The following REPS2 variants were observed in gnomAD, a reference collection of about 807,000 sequenced individuals.
REPS2 encodes RALBP1 associated Eps domain containing 2.
Under a neutral mutation model 53.6 loss-of-function variants are expected in REPS2, and 23 were observed. The ratio of observed to expected loss-of-function variants is 0.43; its 90% confidence interval spans 0.31 to 0.61. The LOEUF is 0.61. Among genes scored for constraint, REPS2 ranks in the 20% least tolerant of loss-of-function variants. The pLI is 0.11. For synonymous variants in REPS2, 238 were observed against 218.6 expected (o/e 1.09, Z -0.78); for missense variants, 446 against 534.9 (o/e 0.83, Z 1.64).
intron 1 of REPS2, chrX:16,978,453 T>C (rs1259851712): frequency 6.6e-6 from 2 of 304,992 alleles, no homozygotes; most frequent in Non-Finnish European, 8.7e-6. Context: ...TGAAATTCTG[T>C]CAGCCTTGGC....
At chrX:17,182,600 A>C in the REPS2 span, among the ~76,000 whole-genome samples, 1 of 112,160 alleles carries the variant, frequency 8.9e-6, no homozygotes, top group South Asian at 3.7e-4. Flanking sequence ...GTCAGAACTC[A>C]CAGAGTCAGA....
chrX:16,978,070 A>G lies in REPS2; in HGVS notation c.274-28151A>G, dbSNP rs188111904. Among the ~76,000 whole-genome samples, 130 of 111,852 alleles carry G rather than the reference A, an allele frequency of 1.2e-3. 1 individual carries two copies. The highest frequency in any genetic ancestry group is 1.9e-3 in the Admixed American group (20 of 10,498). On this transcript the variant is annotated intron_variant, in intron 1 of 17. Coordinates refer to ENST00000357277, the MANE Select transcript of REPS2 (RefSeq NM_004726.3). Reference sequence around the variant, plus strand: ...TCCTGGGTAGTTACTCTTCTTACAGAGTAGGGATGAAATGAAAGCCTCTAT... The same window carrying G: ...TCCTGGGTAGTTACTCTTCTTACAGGGTAGGGATGAAATGAAAGCCTCTAT...
At chrX:17,115,796 G>A (rs2063044862) in intron 14 of REPS2, among the ~76,000 whole-genome samples, 1 of 112,177 alleles carries the variant, frequency 8.9e-6, no homozygotes, top group African/African-American at 3.2e-5. Flanking sequence ...CCCTTAATCC[G>A]TTTAACCCTG....
In REPS2 at chrX:16,973,407, C is replaced by G. The variant is rs776932232; in HGVS notation, c.273+26273C>G. Among the ~76,000 whole-genome samples, 6 of 111,974 alleles carry G rather than the reference C, an allele frequency of 5.4e-5. No homozygotes were observed. The South Asian group carries it at 2.3e-3, about 42-fold the overall frequency. ...TTTTTTCATTCTTTGGTGGATCACTCTGTATCATAGAGTATTTGTGACAAA... is the reference window on the plus strand; with the variant it reads ...TTTTTTCATTCTTTGGTGGATCACTGTGTATCATAGAGTATTTGTGACAAA... On this transcript the variant is annotated intron_variant, in intron 1 of 17. Transcript: ENST00000357277.
rs1602912190 is a variant in REPS2 at position 17,070,119 on chromosome X, G to T, written c.1333+126G>T. 5 of 337,886 alleles carry T rather than the reference G, an allele frequency of 1.5e-5. No individual in the cohort carries two copies. In the East Asian group the frequency reaches 2.0e-4, roughly 14 times the overall value. The allele number at this position is 337,886 out of a possible 1,213,427, so 27.8% of individuals were successfully genotyped here. A position where few individuals can be genotyped will look rare whatever the true frequency, so the allele number is the denominator to read the frequency against. On this transcript the variant is annotated intron_variant, in intron 11 of 17. Transcript: ENST00000357277. ...CTGTTTCTCTCTATTTATTTGTCTT[G>T]TATTTTATTACAAGGAAACCTTTTG...
At position 17,105,917 on chromosome X, in the gene REPS2, CA is replaced by C. The variant is rs746273309; in HGVS notation, c.1578+2141del. Among the ~76,000 whole-genome samples the C allele has an allele frequency of 6.3e-5, 7 of 111,949 alleles. No homozygotes were observed. The East Asian group carries it at 1.7e-3, about 27-fold the overall frequency. On this transcript the variant is annotated intron_variant, in intron 14 of 17. Transcript: ENST00000357277. ...GACACCTATATATTCTAGTCTTTCC[CA>C]AACTGCTTGTGATAAAACAGTCTCT... is the stretch of plus-strand genomic sequence containing the variant.
At chrX:16,993,157 T>G (rs1477155924) in intron 1 of REPS2, among the ~76,000 whole-genome samples, 2 of 112,108 alleles carry the variant, frequency 1.8e-5, no homozygotes, top group Non-Finnish European at 3.8e-5. Flanking sequence ...TAGCTATTGT[T>G]GTATCAGTGG....
At chrX:16,984,612 C>G (rs965440994) in intron 1 of REPS2, among the ~76,000 whole-genome samples, 1 of 111,989 alleles carries the variant, frequency 8.9e-6, no homozygotes, top group African/African-American at 3.2e-5. Context: ...TTCTAATATT[C>G]CAAACACCTG....
At position 17,127,433 on chromosome X, in the gene REPS2, A is replaced by G. The variant is rs1433594658; in HGVS notation, c.1579-6391A>G. ...GATGTGTGTCAGTCTGGTTGGGCAA[A>G]CAGAAACTACTCCTGGTATTTCGTA... is the stretch of plus-strand genomic sequence containing the variant. On this transcript the variant is annotated intron_variant, in intron 14 of 17. Coordinates refer to ENST00000357277, the MANE Select transcript of REPS2 (RefSeq NM_004726.3). 5.3e-5 allele frequency among the ~76,000 whole-genome samples: 6 copies of G among 112,186 alleles called. No homozygotes were observed. In the Admixed American group the frequency reaches 5.7e-4, roughly 11 times the overall value.
chrX:16,994,293 A>G (rs1285207152), intron 1 of REPS2, among the ~76,000 whole-genome samples: 2 of 111,576 alleles, frequency 1.8e-5, no homozygotes, highest in African/African-American at 3.3e-5. Context: ...TATATTTTAT[A>G]TGTGTGTGTG....
At chrX:17,096,080 C>T (rs976372712) in intron 13 of REPS2, among the ~76,000 whole-genome samples, 3 of 112,131 alleles carry the variant, frequency 2.7e-5, no homozygotes, top group African/African-American at 6.5e-5. Flanking sequence ...TTTAATAAAA[C>T]GTTGGGTCAT....
intron 14 of REPS2, among the ~76,000 whole-genome samples, chrX:17,104,696 T>C (rs2062850538): frequency 8.9e-6 from 1 of 112,115 alleles, no homozygotes; most frequent in Non-Finnish European, 1.9e-5. Context: ...CTATGAGATA[T>C]TGGCTTCCTG....
intron 5 of REPS2, among the ~76,000 whole-genome samples, chrX:17,033,049 T>A (rs1326024968): frequency 2.7e-5 from 3 of 112,501 alleles, no homozygotes; most frequent in African/African-American, 9.7e-5. Context: ...ACCCTCAACA[T>A]CTAGATGATG....
Position 17,134,693 on chromosome X carries a change from G to C in REPS2, c.1663-568G>C, listed in dbSNP as rs773071106. On this transcript the variant is annotated intron_variant, in intron 15 of 17. Transcript: ENST00000357277. The stretch of plus-strand genomic sequence containing the variant: ...TGCCCAGGCTGGAGTGCAGTGGCGC[G>C]ATCTCGGCTCACTGCAAGCTCCCAG... Among the ~76,000 whole-genome samples the C allele has an allele frequency of 1.0e-4, 11 of 109,950 alleles. No homozygotes were observed. The East Asian group carries it at 2.9e-3, about 29-fold the overall frequency.
chrX:17,142,106 C>T (rs996616953), intron 17 of REPS2, among the ~76,000 whole-genome samples: 28 of 111,720 alleles, frequency 2.5e-4, no homozygotes, highest in Middle Eastern at 4.6e-3. Context: ...GGTGCAAAAT[C>T]GATTCAATGA....
intron 2 of REPS2, among the ~76,000 whole-genome samples, chrX:17,012,567 G>C (rs747522173): frequency 9.1e-6 from 1 of 109,836 alleles, no homozygotes; most frequent in East Asian, 2.9e-4. Flanking sequence ...CCTAATCAAG[G>C]TGACAGACCC....
chrX:17,131,562 T>C (rs16997176), intron 14 of REPS2, among the ~76,000 whole-genome samples: 2,767 of 112,015 alleles, frequency 0.025, 92 homozygotes, highest in African/African-American at 0.087. Context: ...GGTGTCAGTA[T>C]GATGTAGAAG....
At position 17,103,247 on chromosome X, in the gene REPS2, A is replaced by C. The variant is rs893575684; in HGVS notation, c.1517-471A>C. ...TGCTTTCAGATCCATTCCCAGGAGCATTTACAGGGTGGCCAAGCTTCCTCA... is the reference window on the plus strand; with the variant it reads ...TGCTTTCAGATCCATTCCCAGGAGCCTTTACAGGGTGGCCAAGCTTCCTCA... On this transcript the variant is annotated intron_variant, in intron 13 of 17. Coordinates refer to ENST00000357277, the MANE Select transcript of REPS2 (RefSeq NM_004726.3). Among the ~76,000 whole-genome samples the C allele has an allele frequency of 2.7e-5, 3 of 111,766 alleles. No individual in the cohort carries two copies. The South Asian group carries it at 1.1e-3, about 42-fold the overall frequency.
At chrX:17,058,805 A>G (rs922913121) in intron 8 of REPS2, among the ~76,000 whole-genome samples, 2 of 111,358 alleles carry the variant, frequency 1.8e-5, no homozygotes, top group African/African-American at 6.5e-5. Context: ...GAACCCATAA[A>G]ACTCTATCAA....
Sources: gnomAD v4.1 joint callset for allele counts (sites outside exome capture counted in the v4.1 genomes callset) on GRCh38, gnomAD v4.1.1 for gene constraint, MANE v1.5 for transcripts, NCBI Gene and HGNC (gene_info 2026-07-23, HGNC 2026-07-21) for gene names.